HDGFL2: variants seen among roughly 807,000 people sequenced by gnomAD.
HDGFL2 encodes the protein hepatoma-derived growth factor-related protein 2.
HDGFL2 carries 36 observed loss-of-function variants against 77.1 expected under a neutral mutation model. The observed-to-expected ratio is 0.47, with a 90% CI of 0.36 to 0.62. The LOEUF (loss-of-function observed/expected upper bound fraction) is 0.62. Ranked by LOEUF, HDGFL2 falls within the 20% of genes least tolerant of loss-of-function variation. The pLI, the probability that HDGFL2 is intolerant of heterozygous loss-of-function variation, is 0.00. For missense variants in HDGFL2, 976 were observed against 973.4 expected, an observed-to-expected ratio of 1.00 and a Z score of -0.04; for synonymous variants, 463 against 413.1, an observed-to-expected ratio of 1.12 and a Z score of -1.46.
rs2145202562 is a variant in HDGFL2 at position 4,494,072 on chromosome 19, T to C, written c.914+15T>C. ...AGCAGTGACAGGTGGGTGCTGGGGC[T>C]GGGGTCCCCTCTGGCGGCTCCTCCA... On this transcript the variant is annotated intron_variant, in intron 8 of 15. Coordinates refer to ENST00000616600, the MANE Select transcript of HDGFL2 (RefSeq NM_001001520.3). The C allele has an allele frequency of 6.3e-7, 1 of 1,587,986 alleles. No homozygotes were observed. The highest frequency in any genetic ancestry group is 1.1e-5 in the South Asian group (1 of 87,746).
chr19:4,499,345 CAA>C (rs371672305), intron 13 of HDGFL2, 144 bp from the exon 14 acceptor site: 1,012 of 578,906 alleles, frequency 1.7e-3, no homozygotes, highest in South Asian at 3.4e-3. Context: ...GACTCTGTCT[CAA>C]AAAAAAAAAA....
intron 3 of HDGFL2, among the ~76,000 whole-genome samples, chr19:4,478,661 T>C (rs2145158002): frequency 6.6e-6 from 1 of 150,570 alleles, no homozygotes; most frequent in Admixed American, 6.6e-5. Flanking sequence ...ATCCTCAGAG[T>C]GGCCCAGGTG....
At chr19:4,488,574 T>G in intron 3 of HDGFL2, 102 bp from the exon 4 acceptor site, 2 of 1,060,362 alleles carry the variant, frequency 1.9e-6, no homozygotes, top group Non-Finnish European at 2.7e-6. Flanking sequence ...CGCCTGACAT[T>G]CAGGATCCCG....
intron 4 of HDGFL2, among the ~76,000 whole-genome samples, chr19:4,490,457 G>A (rs540836543): frequency 6.6e-6 from 1 of 152,218 alleles, no homozygotes; most frequent in South Asian, 2.1e-4. Context: ...TCCACATGTC[G>A]CTGGCCATTT....
chr19:4,472,448 G>T, intron 1 of HDGFL2, 26 bp downstream of exon 1: 2 of 755,258 alleles, frequency 2.6e-6, no homozygotes, highest in Non-Finnish European at 3.7e-6. Context: ...AGATGGGGCC[G>T]GTGGGGGGGG....
intron 14 of HDGFL2, 45 bp from the exon 15 acceptor site, chr19:4,501,146 C>T (rs1334869193): frequency 1.9e-6 from 3 of 1,610,290 alleles, no homozygotes; most frequent in African/African-American, 1.3e-5. Context: ...CTGGGGTGCC[C>T]AGCTGGAGCC....
Position 4,494,361 on chromosome 19 carries a change from C to T in HDGFL2, c.1110C>T (p.Ser370=), listed in dbSNP as rs1416413591. ...GEAERGSGGS[S]GDELREDDEP... ...CTGAGCGGGGCAGCGGCGGCAGCAG[C>T]GGGGACGAGCTCAGGGAGGACGATG... Residue 370 remains serine, a synonymous_variant, in exon 9 of 16, where the codon AGC becomes AGT. Coordinates refer to ENST00000616600, the MANE Select transcript of HDGFL2 (RefSeq NM_001001520.3). 14 of 1,404,068 alleles carry T rather than the reference C, an allele frequency of 1.0e-5. 1 individual carries two copies. The South Asian group carries it at 1.9e-4, about 19-fold the overall frequency. The allele number at this position is 1,404,068 out of a possible 1,614,324, so 87.0% of individuals were successfully genotyped here.
intron 10 of HDGFL2, chr19:4,497,305 T>C (rs1975731487): frequency 5.4e-6 from 2 of 371,044 alleles, no homozygotes; most frequent in Admixed American, 6.8e-5. Flanking sequence ...TCAAGCGATT[T>C]TCCTAGCTCA....
At chr19:4,492,882 G>T (rs998302881) in intron 6 of HDGFL2, among the ~76,000 whole-genome samples, 1 of 116,278 alleles carries the variant, frequency 8.6e-6, no homozygotes, top group Non-Finnish European at 1.8e-5. Context: ...GTGGTGTGGT[G>T]TGTGTTATCT....
chr19:4,485,064 C>A (rs946033482), intron 3 of HDGFL2, among the ~76,000 whole-genome samples: 27 of 152,100 alleles, frequency 1.8e-4, no homozygotes, highest in Non-Finnish European at 1.6e-4. Flanking sequence ...CCTTGGCCTC[C>A]CAAAGTGCTG....
At chr19:4,498,162 CGGT>C in intron 11 of HDGFL2, 131 bp downstream of exon 11, 1 of 1,135,888 alleles carries the variant, frequency 8.8e-7, no homozygotes, top group Non-Finnish European at 1.3e-6. Context: ...GCCTGGCCGG[CGGT>C]GCCTCCAGGG....
At chr19:4,492,223 ATGTG>A (rs750445922) in intron 6 of HDGFL2, among the ~76,000 whole-genome samples, 19 of 151,752 alleles carry the variant, frequency 1.3e-4, no homozygotes, top group South Asian at 2.1e-4. Context: ...GTCGACGTGC[ATGTG>A]TGTGTGTGTA....
Position 4,498,040 on chromosome 19 carries a change from T to C in HDGFL2, c.1402+9T>C. 4 of 1,552,826 alleles carry C rather than the reference T, an allele frequency of 2.6e-6. No homozygotes were observed. The highest frequency in any genetic ancestry group is 3.5e-6 in the Non-Finnish European group (4 of 1,147,418). ...GGTAGAGAAGAAGAAAGGTGAGGCC[T>C]GGCTGCCCAGCACTGCCCACACTGA... On this transcript the variant is annotated intron_variant, in intron 11 of 15. Transcript: ENST00000616600.
At chr19:4,473,667 C>T (rs2145145322) in intron 1 of HDGFL2, among the ~76,000 whole-genome samples, 1 of 92,772 alleles carries the variant, frequency 1.1e-5, no homozygotes, top group Non-Finnish European at 2.0e-5. Context: ...CTAAGGGAAG[C>T]TGGGACCTCT....
In HDGFL2 at chr19:4,501,375, C is replaced by T; in HGVS notation, c.1916+58C>T. On this transcript the variant is annotated intron_variant, in intron 15 of 15. Transcript: ENST00000616600. ...TGAGCGGCAGCGGTGTGACGCGCAC[C>T]CTGGGTCCGAGCCGCTCCTCCTGTG... is the stretch of plus-strand genomic sequence containing the variant. 7 of 1,527,726 alleles carry T rather than the reference C, an allele frequency of 4.6e-6. No individual in the cohort carries two copies. The South Asian group carries it at 8.8e-5, about 19-fold the overall frequency. The allele number at this position is 1,527,726 out of a possible 1,614,324, so 94.6% of individuals were successfully genotyped here.
chr19:4,485,995 G>A (rs534490528), intron 3 of HDGFL2, among the ~76,000 whole-genome samples: 1 of 148,176 alleles, frequency 6.7e-6, no homozygotes, highest in South Asian at 2.2e-4. Context: ...TGAGGCTGCA[G>A]TGAGTCGTGA....
At chr19:4,492,784 CTG>C (rs1002440681) in intron 6 of HDGFL2, among the ~76,000 whole-genome samples, 4 of 110,656 alleles carry the variant, frequency 3.6e-5, no homozygotes, top group Admixed American at 9.3e-5. Context: ...TATGGTGTGT[CTG>C]GTGTGTGTTT....
intron 3 of HDGFL2, among the ~76,000 whole-genome samples, chr19:4,482,847 C>G (rs17434146): frequency 6.6e-6 from 1 of 152,178 alleles, no homozygotes; most frequent in East Asian, 1.9e-4. Context: ...GCCGGTGGCT[C>G]CTGGGTTCGT....
rs185764004 is a variant in HDGFL2 at position 4,475,582 on chromosome 19, C to G, written c.287C>G (p.Pro96Arg). ...CCCCACGCCAGCTACAGCGCCCCTC[C>G]GGTGAGTACCCGGGGTGGAGAGCCA... The part of the protein sequence containing the change: ...NNPHASYSAP[P>R]PVSSSDSEAP... The change falls in exon 3 of 16, where the codon CCG becomes CGG. Residue 96 changes from proline (P) to arginine (R), a missense_variant and splice_region_variant. Pro to Arg is a moderately radical substitution (Grantham distance 103). This residue lies in a region of HDGFL2 where 103 missense variants were observed against 145.7 expected (regional missense o/e 0.71). Transcript: ENST00000616600. 22 of 1,573,140 alleles carry G rather than the reference C, an allele frequency of 1.4e-5. No individual in the cohort carries two copies. Among genetic ancestry groups the G allele is most frequent in the Non-Finnish European group, 1.9e-5 (22 of 1,166,490 alleles).
Sources: gnomAD v4.1 joint callset for allele counts (sites outside exome capture counted in the v4.1 genomes callset) on GRCh38, gnomAD v4.1.1 for gene constraint, gnomAD v4.1.1 regional missense constraint, MANE v1.5 for transcripts, NCBI Gene and HGNC (gene_info 2026-07-23, HGNC 2026-07-21) for gene names.